PDCD1: variants seen among roughly 807,000 people sequenced by gnomAD.
PDCD1 encodes the protein programmed cell death protein 1.
A neutral mutation model predicts 23.6 loss-of-function variants in PDCD1; 10 were observed. That is an observed-to-expected ratio of 0.42 (90% CI 0.26 to 0.72). PDCD1 has a LOEUF of 0.72. Among genes scored for constraint, PDCD1 ranks in the 30% least tolerant of loss-of-function variants. The probability of loss-of-function intolerance (pLI) is 0.24; values close to 1 mark genes in which losing one functional copy is unlikely to be tolerated. For synonymous variants in PDCD1, 168 were observed against 169.3 expected, an observed-to-expected ratio of 0.99 and a Z score of 0.06; for missense variants, 313 against 397.8, an observed-to-expected ratio of 0.79 and a Z score of 1.81.
chr2:241,858,516 T>A (rs566610948), intron 1 of PDCD1, among the ~76,000 whole-genome samples: 1 of 138,304 alleles, frequency 7.2e-6, no homozygotes, highest in East Asian at 5.6e-4. Flanking sequence ...AACCCAGGAG[T>A]TCGAGCTGCC....
rs1469983778 is a variant in PDCD1 at position 241,853,096 on chromosome 2, T to C, written c.77-116A>G. 6.3e-6 allele frequency: 8 copies of C among 1,274,070 alleles called. No individual in the cohort carries two copies. The African/African-American group carries it at 8.9e-5, about 14-fold the overall frequency. 78.9% of individuals were successfully genotyped at this position (1,274,070 alleles called of 1,614,324 possible). A position where few individuals can be genotyped will look rare whatever the true frequency, so the allele number is the denominator to read the frequency against. On this transcript the variant is annotated intron_variant, in intron 1 of 4. Coordinates refer to ENST00000334409, the MANE Select transcript of PDCD1 (RefSeq NM_005018.3). ...TGGAAGGGCCACCCCAGCTGGAATG[T>C]CATTGAGAAGTCTCTGCTGGGGCCT... is the stretch of plus-strand genomic sequence containing the variant.
chr2:241,858,663 G>A, intron 1 of PDCD1, 100 bp downstream of exon 1: 1 of 1,035,148 alleles, frequency 9.7e-7, no homozygotes, highest in Non-Finnish European at 1.5e-6. Context: ...GGCTGCCAGG[G>A]CCAGGCCCGC....
At chr2:241,854,458 T>C (rs1700972257) in intron 1 of PDCD1, among the ~76,000 whole-genome samples, 2 of 151,534 alleles carry the variant, frequency 1.3e-5, no homozygotes, top group African/African-American at 4.9e-5. Context: ...CACTCCAGAG[T>C]GGATTTTGAC....
chr2:241,852,385 G>T, intron 2 of PDCD1, 32 bp from the exon 3 acceptor site: 1 of 1,454,070 alleles, frequency 6.9e-7, no homozygotes, highest in Non-Finnish European at 9.5e-7. Context: ...GGGTTAGGAC[G>T]GGGTCAGGGT....
chr2:241,850,284 C>T lies in PDCD1; in HGVS notation c.*774G>A, dbSNP rs1201673880. ...TCCTGACCTTGGGACCGTAGGATGT[C>T]CCTCTCCCGAGTGGTGTGAGGGGCT... is the stretch of plus-strand genomic sequence containing the variant. On this transcript the variant is annotated 3_prime_UTR_variant, in exon 5 of 5. Coordinates refer to ENST00000334409, the MANE Select transcript of PDCD1 (RefSeq NM_005018.3). 4.3e-6 allele frequency: 1 copy of T among 233,748 alleles called. No individual in the cohort carries two copies. The highest frequency in any genetic ancestry group is 2.2e-5 in the African/African-American group (1 of 45,342). The allele number at this position is 233,748 out of a possible 1,614,324, so 14.5% of individuals were successfully genotyped here.
Position 241,851,143 on chromosome 2 carries a change from G to T in PDCD1, c.782C>A (p.Ser261Tyr), listed in dbSNP as rs749023157. 1.2e-6 allele frequency: 2 copies of T among 1,613,290 alleles called. No homozygotes were observed. Among genetic ancestry groups the T allele is most frequent in the African/African-American group, 2.7e-5 (2 of 74,932 alleles). Reference protein sequence around the residue: ...IVFPSGMGTSSPARRGSADGP... With the variant: ...IVFPSGMGTSYPARRGSADGP... ...GTCAGCTGAGCCCCTGCGGGCGGGG[G>T]ATGAGGTGCCCATTCCGCTAGGAAA... Residue 261 changes from serine (S) to tyrosine (Y), a missense_variant, in exon 5 of 5, where the codon TCC becomes TAC. This residue lies in a region of PDCD1 where 158 missense variants were observed against 177.5 expected (regional missense o/e 0.89). Coordinates refer to ENST00000334409, the MANE Select transcript of PDCD1 (RefSeq NM_005018.3).
At chr2:241,853,261 G>A (rs1260006524) in intron 1 of PDCD1, among the ~76,000 whole-genome samples, 1 of 137,130 alleles carries the variant, frequency 7.3e-6, no homozygotes, top group African/African-American at 2.5e-5. Context: ...TCCCCGTTGA[G>A]GCCAGTTCCC....
intron 3 of PDCD1, 70 bp from the exon 4 acceptor site, chr2:241,852,053 CA>C: frequency 7.0e-7 from 1 of 1,428,362 alleles, no homozygotes; most frequent in Non-Finnish European, 9.3e-7. Flanking sequence ...GGTCTTAGTC[CA>C]GGGGCCTTCA....
chr2:241,850,767 C>A lies in PDCD1; in HGVS notation c.*291G>T. 1.6e-6 allele frequency: 1 copy of A among 640,732 alleles called. No homozygotes were observed. The allele number at this position is 640,732 out of a possible 1,614,324, so 39.7% of individuals were successfully genotyped here. On this transcript the variant is annotated 3_prime_UTR_variant, in exon 5 of 5. Transcript: ENST00000334409. ...GCAGCAGCAGCAGAGATTCAGGGAG[C>A]TGGACGCAGGCAGCTCTGTGCTGGC...
chr2:241,857,114 A>G (rs1037442001), intron 1 of PDCD1, among the ~76,000 whole-genome samples: 8 of 152,144 alleles, frequency 5.3e-5, no homozygotes, highest in African/African-American at 1.9e-4. Flanking sequence ...AGGGAAGCAC[A>G]CACCTGAGGT....
intron 2 of PDCD1, 108 bp downstream of exon 2, chr2:241,852,513 G>T (rs1700924312): frequency 4.5e-6 from 6 of 1,346,592 alleles, no homozygotes; most frequent in Non-Finnish European, 6.1e-6. Flanking sequence ...GACTGGAGCT[G>T]GGGGGTCCCT....
At chr2:241,856,497 A>C (rs926104399) in intron 1 of PDCD1, among the ~76,000 whole-genome samples, 5 of 152,240 alleles carry the variant, frequency 3.3e-5, no homozygotes, top group African/African-American at 1.2e-4. Context: ...AGTCCGTTTA[A>C]AATCTGACTT....
At chr2:241,851,457 G>C (rs979085338) in intron 4 of PDCD1, among the ~76,000 whole-genome samples, 160 bp from the exon 5 acceptor site, 1 of 152,188 alleles carries the variant, frequency 6.6e-6, no homozygotes, top group African/African-American at 2.4e-5. Context: ...GTGATCTGGG[G>C]ACACCACCCC....
At chr2:241,852,099 G>A in intron 3 of PDCD1, 99 bp downstream of exon 3, 1 of 1,436,290 alleles carries the variant, frequency 7.0e-7, no homozygotes. Flanking sequence ...ATGGGGGGAG[G>A]TGGGGTGGGG....
chr2:241,853,586 C>T (rs1484393066), intron 1 of PDCD1, among the ~76,000 whole-genome samples: 1 of 152,260 alleles, frequency 6.6e-6, no homozygotes, highest in Non-Finnish European at 1.5e-5. Context: ...AAAGATGCTT[C>T]AGAGACGAGA....
rs1259973906 is a variant in PDCD1, at chr2:241,852,565, C to T, written c.436+56G>A. 6 of 1,576,078 alleles carry T rather than the reference C, an allele frequency of 3.8e-6. No individual in the cohort carries two copies. In the Admixed American group the frequency reaches 6.9e-5, roughly 18 times the overall value. On this transcript the variant is annotated intron_variant, in intron 2 of 4. Transcript: ENST00000334409. The stretch of plus-strand genomic sequence containing the variant: ...GCTCCTGATCCTGTGCAGGAGGGGA[C>T]ACCCACCCCAGGACCGGCTCAGCTC...
intron 2 of PDCD1, 113 bp from the exon 3 acceptor site, chr2:241,852,466 G>T (rs1187053764): frequency 2.6e-6 from 3 of 1,150,966 alleles, no homozygotes; most frequent in Non-Finnish European, 3.7e-6. Context: ...GGACAGAGAT[G>T]CCGGTCACCA....
intron 1 of PDCD1, 68 bp downstream of exon 1, chr2:241,858,695 A>G: frequency 7.3e-7 from 1 of 1,376,816 alleles, no homozygotes; most frequent in Non-Finnish European, 1.0e-6. Flanking sequence ...CCGACCTGCC[A>G]GGGACTGAGG....
intron 1 of PDCD1, among the ~76,000 whole-genome samples, chr2:241,854,356 G>C (rs549631189): frequency 2.6e-5 from 4 of 152,358 alleles, no homozygotes; most frequent in African/African-American, 9.6e-5. Context: ...GCTGAGGTGA[G>C]CCCCCTCTCT....
Sources: allele counts gnomAD v4.1 joint callset (sites outside exome capture counted in the v4.1 genomes callset), GRCh38; gene constraint gnomAD v4.1.1; regional missense constraint gnomAD v4.1.1; transcripts MANE v1.5; gene names NCBI Gene and HGNC (gene_info 2026-07-23, HGNC 2026-07-21).